The following KIF5B variants were observed in gnomAD, a reference collection of about 807,000 sequenced individuals.
KIF5B encodes kinesin-1 heavy chain.
KIF5B carries 49 observed loss-of-function variants against 132.8 expected under a neutral mutation model. The observed-to-expected ratio is 0.37, with a 90% CI of 0.29 to 0.47. KIF5B has a LOEUF of 0.47. Among genes scored for constraint, KIF5B ranks in the 20% least tolerant of loss-of-function variants. The pLI, the probability that KIF5B is intolerant of heterozygous loss-of-function variation, is 1.00. For missense variants in KIF5B, 780 were observed against 1,144.0 expected (o/e 0.68, Z 4.59); for synonymous variants, 355 against 369.4 (o/e 0.96, Z 0.45).
Position 32,034,714 on chromosome 10 carries a change from T to C in KIF5B, c.1087A>G (p.Asn363Asp). ...ILRNTIQWLE[N>D]ELNRWRNGET... is the part of the protein sequence containing the mutation. ...CCATTACGCCATCTGTTGAGCTCAT[T>C]TTCAAGCCACTGAATAGTGTTCCGC... The change falls in exon 11 of 26, where the codon AAT becomes GAT. Residue 363 changes from asparagine to aspartate, a missense_variant. This residue lies in a region of KIF5B where 471 missense variants were observed against 569.9 expected (regional missense o/e 0.83). Transcript: ENST00000302418. The C allele has an allele frequency of 6.3e-7, 1 of 1,595,468 alleles. No homozygotes were observed. Among genetic ancestry groups the C allele is most frequent in the Non-Finnish European group, 8.5e-7 (1 of 1,173,772 alleles).
At chr10:32,018,230 G>C in intron 22 of KIF5B, 74 bp from the exon 23 acceptor site, 1 of 1,448,598 alleles carries the variant, frequency 6.9e-7, no homozygotes, top group Non-Finnish European at 9.4e-7. Flanking sequence ...TGACGTGACT[G>C]TAAAGTTATT....
At chr10:32,044,672 G>A (rs137941920) in intron 2 of KIF5B, among the ~76,000 whole-genome samples, 2,000 of 150,662 alleles carry the variant, frequency 0.013, 39 homozygotes, top group African/African-American at 0.045. Flanking sequence ...GCGAAACTCC[G>A]TCTCAATTTA....
Position 32,056,052 on chromosome 10 carries a change from CT to C in KIF5B, c.-80del. On this transcript the variant is annotated 5_prime_UTR_variant, in exon 1 of 26. Transcript: ENST00000302418. ...GCAGGGAACGCGCCGGACCTGAGGG[CT>C]TGTGGTCGCGAGGGCCGTGAGAGGC... The C allele has an allele frequency of 6.5e-7, 1 of 1,549,590 alleles. No homozygotes were observed. Among genetic ancestry groups the C allele is most frequent in the Admixed American group, 1.8e-5 (1 of 55,186 alleles).
At chr10:32,031,360 GA>G in intron 13 of KIF5B, 81 bp from the exon 14 acceptor site, 5 of 1,030,010 alleles carry the variant, frequency 4.9e-6, no homozygotes, top group Non-Finnish European at 7.3e-6. Context: ...CATTTGTCAA[GA>G]ACAAATGGAG....
At chr10:32,038,663 A>G in intron 5 of KIF5B, 115 bp downstream of exon 5, 1 of 687,834 alleles carries the variant, frequency 1.5e-6, no homozygotes, top group South Asian at 2.1e-5. Flanking sequence ...AATTTTGTCT[A>G]TTTCCAATAA....
rs2132587790 is a variant in KIF5B at position 32,022,932 on chromosome 10, C to G, written c.1830G>C (p.Gln610His). 1 of 1,613,526 alleles carries G rather than the reference C, an allele frequency of 6.2e-7. No individual in the cohort carries two copies. Among genetic ancestry groups the G allele is most frequent in the Non-Finnish European group, 8.5e-7 (1 of 1,179,614 alleles). ...EVKTMVKRCK[Q>H]LESTQTESNK... ...TGCTCTCAGTTTGTGTGCTTTCTAA[C>G]TGCTTGCAACGTTTCACCATGGTTT... Residue 610 changes from glutamine to histidine, a missense_variant, in exon 16 of 26, where the codon CAG (glutamine) becomes CAC (histidine). Physicochemically the swap from Gln to His is conservative, Grantham distance 24. Coordinates refer to ENST00000302418, the MANE Select transcript of KIF5B (RefSeq NM_004521.3).
intron 21 of KIF5B, 40 bp downstream of exon 21, chr10:32,018,462 A>G: frequency 6.3e-6 from 10 of 1,593,454 alleles, no homozygotes; most frequent in Non-Finnish European, 8.5e-6. Context: ...AAAACCCACA[A>G]AATATTTCCC....
At chr10:32,034,319 C>T (rs1338967870) in intron 11 of KIF5B, among the ~76,000 whole-genome samples, 1 of 152,066 alleles carries the variant, frequency 6.6e-6, no homozygotes, top group East Asian at 1.9e-4. Context: ...AACATGTTGG[C>T]CAGGCTGGTC....
Position 32,034,823 on chromosome 10 carries a change from CTTAA to C in KIF5B, c.974_977del (p.Ile325ArgfsTer10). The C allele has an allele frequency of 1.3e-6, 2 of 1,590,756 alleles. No individual in the cohort carries two copies. The highest frequency in any genetic ancestry group is 1.7e-6 in the Non-Finnish European group (2 of 1,172,326). ...ACTCCACATTGACACAAACTGTGTTCTTAATTGTTTTGGCCCTAAGAGATGTAAT... is the reference window on the plus strand; with the variant it reads ...ACTCCACATTGACACAAACTGTGTTCTTGTTTTGGCCCTAAGAGATGTAAT... On this transcript the variant is annotated frameshift_variant, in exon 11 of 26. Transcript: ENST00000302418. LOFTEE classifies it high-confidence loss of function.
At chr10:32,016,117 A>G (rs1267192901) in intron 24 of KIF5B, among the ~76,000 whole-genome samples, 1 of 152,020 alleles carries the variant, frequency 6.6e-6, no homozygotes, top group African/African-American at 2.4e-5. Flanking sequence ...GCAGTCTAGC[A>G]TGGGTGACAA....
intron 14 of KIF5B, among the ~76,000 whole-genome samples, chr10:32,030,105 A>G (rs1022882892): frequency 1.1e-4 from 17 of 152,228 alleles, no homozygotes; most frequent in Non-Finnish European, 2.2e-4. Flanking sequence ...AACCACAACA[A>G]AACCACAAAA....
chr10:32,031,424 C>T (rs1841401222), intron 13 of KIF5B, 145 bp from the exon 14 acceptor site: 1 of 662,240 alleles, frequency 1.5e-6, no homozygotes, highest in Admixed American at 2.8e-5. Flanking sequence ...AACAGATTTA[C>T]TAAATGTCAA....
chr10:32,018,166 GAAGGT>G lies in KIF5B; in HGVS notation c.2440-15_2440-11del. ...AATCAATCTCAGCACTCTGAGAAAAGAAGGTAAGTATTACAAAAAAATTAAAAAAA... is the reference window on the plus strand; with the variant it reads ...AATCAATCTCAGCACTCTGAGAAAAGAAGTATTACAAAAAAATTAAAAAAA... On this transcript the variant is annotated splice_polypyrimidine_tract_variant and intron_variant, in intron 22 of 25. Coordinates refer to ENST00000302418, the MANE Select transcript of KIF5B (RefSeq NM_004521.3). The G allele has an allele frequency of 2.6e-6, 4 of 1,567,856 alleles. No homozygotes were observed. Among genetic ancestry groups the G allele is most frequent in the Non-Finnish European group, 3.5e-6 (4 of 1,153,418 alleles).
rs150825860 is a variant in KIF5B at position 32,012,336 on chromosome 10, G to A, written c.*21-820C>T. ...AAAAATACAAAAACCTTAGGCGGGC[G>A]TGGTAGTGGGCGCCTGTAATCCCAG... On this transcript the variant is annotated intron_variant, in intron 25 of 25. Coordinates refer to ENST00000302418, the MANE Select transcript of KIF5B (RefSeq NM_004521.3). Among the ~76,000 whole-genome samples the A allele has an allele frequency of 4.1e-4, 62 of 152,252 alleles. 1 individual carries two copies. In the East Asian group the frequency reaches 0.01, roughly 25 times the overall value.
chr10:32,014,939 A>G (rs1354693151), intron 25 of KIF5B, among the ~76,000 whole-genome samples: 1 of 152,148 alleles, frequency 6.6e-6, no homozygotes, highest in Non-Finnish European at 1.5e-5. Flanking sequence ...CCTGACCAAC[A>G]TGGTGAAACC....
At chr10:32,044,475 C>G (rs551318845) in intron 2 of KIF5B, among the ~76,000 whole-genome samples, 1 of 152,292 alleles carries the variant, frequency 6.6e-6, no homozygotes, top group Non-Finnish European at 1.5e-5. Flanking sequence ...AGTTCAAGAC[C>G]AGCCTGACCA....
intron 5 of KIF5B, 53 bp from the exon 6 acceptor site, chr10:32,038,271 G>T: frequency 8.2e-7 from 1 of 1,224,790 alleles, no homozygotes; most frequent in Non-Finnish European, 1.2e-6. Flanking sequence ...CTTAACACTG[G>T]ATATGAAATA....
chr10:32,033,159 T>C (rs997353740), intron 12 of KIF5B, among the ~76,000 whole-genome samples: 1 of 152,216 alleles, frequency 6.6e-6, no homozygotes, highest in Non-Finnish European at 1.5e-5. Flanking sequence ...TTCCACTCTA[T>C]TGTGTTTCCC....
chr10:32,017,335 G>A lies in KIF5B; in HGVS notation c.2569C>T (p.Arg857Cys). Reference sequence around the variant, plus strand: ...TTTTCCAACTTAGGAAGTTCACAGCGGAGATCTGCATTATCACGTACCAAC... The same window carrying A: ...TTTTCCAACTTAGGAAGTTCACAGCAGAGATCTGCATTATCACGTACCAAC... ...KQLVRDNADL[R>C]CELPKLEKRL... The change falls in exon 24 of 26, where the codon CGC (arginine) becomes TGC (cysteine). Residue 857 changes from arginine (R) to cysteine (C), a missense_variant. Around this residue, in one of 9 missense-constraint regions of KIF5B, gnomAD observed 32 missense variants for 71.1 expected, o/e 0.45. Transcript: ENST00000302418. 1 of 1,613,910 alleles carries A rather than the reference G, an allele frequency of 6.2e-7. No homozygotes were observed. The highest frequency in any genetic ancestry group is 8.5e-7 in the Non-Finnish European group (1 of 1,179,876).
Sources: allele counts gnomAD v4.1 joint callset (sites outside exome capture counted in the v4.1 genomes callset), GRCh38; gene constraint gnomAD v4.1.1; regional missense constraint gnomAD v4.1.1; transcripts MANE v1.5; gene names NCBI Gene and HGNC (gene_info 2026-07-23, HGNC 2026-07-21).